Variants in CEP97 observed in about 807,000 individuals in gnomAD.
The protein encoded by CEP97 is centrosomal protein 97.
In CEP97, 43 loss-of-function variants were observed where a neutral mutation model predicts 73.1. The observed-to-expected ratio is 0.59, with a 90% CI of 0.46 to 0.76. The LOEUF (loss-of-function observed/expected upper bound fraction) is 0.76. CEP97 is among the 30% of genes least tolerant of loss of function. The pLI, the probability that CEP97 is intolerant of heterozygous loss-of-function variation, is 0.00. For synonymous variants in CEP97, 337 were observed against 370.0 expected (o/e 0.91, Z 1.02); for missense variants, 939 against 1,014.0 (o/e 0.93, Z 1.00).
At chr3:101,730,228 G>C (rs1283835812) in intron 4 of CEP97, among the ~76,000 whole-genome samples, 1 of 115,528 alleles carries the variant, frequency 8.7e-6, no homozygotes, top group Non-Finnish European at 1.9e-5. Context: ...GGCCGAGTCT[G>C]TTTTTTTGTT....
In CEP97 at chr3:101,762,522, T is replaced by A. The variant is rs1560022131; in HGVS notation, c.1855T>A (p.Phe619Ile). 6.2e-7 allele frequency: 1 copy of A among 1,611,516 alleles called. No homozygotes were observed. The highest frequency in any genetic ancestry group is 1.3e-5 in the African/African-American group (1 of 74,930). ...KERDEERIKK[F>I]VQEEAFRFLW... The stretch of plus-strand genomic sequence containing the variant: ...AAGAGATGAAGAACGTATTAAAAAA[T>A]TTGTACAAGAAGAAGCTTTCAGATT... Residue 619 changes from phenylalanine (F) to isoleucine (I), a missense_variant, in exon 10 of 11, where the codon TTT becomes ATT. Transcript: ENST00000341893.
chr3:101,761,865 T>C (rs994917540), intron 9 of CEP97, among the ~76,000 whole-genome samples: 1 of 152,056 alleles, frequency 6.6e-6, no homozygotes, highest in Non-Finnish European at 1.5e-5. Flanking sequence ...AGCCTTAGGT[T>C]TGTGATAGGC....
intron 6 of CEP97, among the ~76,000 whole-genome samples, chr3:101,737,598 T>C (rs1938317980): frequency 6.6e-6 from 1 of 152,158 alleles, no homozygotes; most frequent in Non-Finnish European, 1.5e-5. Flanking sequence ...CTAAGCTTCA[T>C]AAGTGAAGGA....
At position 101,724,634 on chromosome 3, in the gene CEP97, C is replaced by G; in HGVS notation, c.-43C>G. Reference sequence around the variant, plus strand: ...CCTTCAGATTACAAGCTCCACAGAGCCGCGGGAGGACGGTTGCCTGGTATT... The same window carrying G: ...CCTTCAGATTACAAGCTCCACAGAGGCGCGGGAGGACGGTTGCCTGGTATT... On this transcript the variant is annotated 5_prime_UTR_variant, in exon 1 of 11. Coordinates refer to ENST00000341893, the MANE Select transcript of CEP97 (RefSeq NM_024548.4). 1 of 1,612,644 alleles carries G rather than the reference C, an allele frequency of 6.2e-7. No homozygotes were observed. The highest frequency in any genetic ancestry group is 8.5e-7 in the Non-Finnish European group (1 of 1,178,712).
Position 101,765,679 on chromosome 3 carries a change from A to C in CEP97, c.*128A>C. 1.5e-6 allele frequency: 1 copy of C among 685,608 alleles called. No homozygotes were observed. The highest frequency in any genetic ancestry group is 2.1e-5 in the South Asian group (1 of 48,016). 42.5% of individuals were successfully genotyped at this position (685,608 alleles called of 1,614,324 possible). On this transcript the variant is annotated 3_prime_UTR_variant, in exon 11 of 11. Transcript: ENST00000341893. ...TACTACTTATATAGAATTTGTATTC[A>C]TGTCTTATATTTTTCAGATTCTAGA... is the stretch of plus-strand genomic sequence containing the variant.
Position 101,770,150 on chromosome 3 carries a change from G to C in CEP97, c.*4599G>C, listed in dbSNP as rs185164447. ...AGTGATTCTCCTGCCTCATCCTCCC[G>C]AGTAGCTAAGACTACAGGCACACGC... On this transcript the variant is annotated 3_prime_UTR_variant, in exon 11 of 11. Transcript: ENST00000341893. 6.6e-6 allele frequency: 1 copy of C among 151,870 alleles called. No individual in the cohort carries two copies. Among genetic ancestry groups the C allele is most frequent in the African/African-American group, 2.4e-5 (1 of 41,278 alleles). 9.4% of individuals were successfully genotyped at this position (151,870 alleles called of 1,614,324 possible). A position where few individuals can be genotyped will look rare whatever the true frequency, so the allele number is the denominator to read the frequency against.
At position 101,730,231 on chromosome 3, in the gene CEP97, T is replaced by TGTTG. The variant is rs1553787368; in HGVS notation, c.447+1294_447+1295insGTTG. Among the ~76,000 whole-genome samples, 6 of 145,010 alleles carry TGTTG rather than the reference T, an allele frequency of 4.1e-5. 2 individuals are homozygous for TGTTG. Among genetic ancestry groups the TGTTG allele is most frequent in the Non-Finnish European group, 1.5e-5 (1 of 65,786 alleles). Reference sequence around the variant, plus strand: ...AGCCACCGAACTGGCCGAGTCTGTTTTTTTGTTTTGTTTTGTTTTGTTTTG... The same window carrying TGTTG: ...AGCCACCGAACTGGCCGAGTCTGTTTGTTGTTTTGTTTTGTTTTGTTTTGTTTTG... On this transcript the variant is annotated intron_variant, in intron 4 of 10. Transcript: ENST00000341893.
chr3:101,754,001 A>G (rs1303368763), intron 6 of CEP97, among the ~76,000 whole-genome samples: 2 of 147,186 alleles, frequency 1.4e-5, no homozygotes, highest in East Asian at 2.0e-4. Flanking sequence ...TGCATCGCTC[A>G]TGCTGGGAGC....
intron 6 of CEP97, among the ~76,000 whole-genome samples, chr3:101,733,226 T>A (rs1032886247): frequency 6.6e-6 from 1 of 152,184 alleles, no homozygotes; most frequent in East Asian, 1.9e-4. Flanking sequence ...TAATCAGTTG[T>A]TTGGAGCTTG....
At chr3:101,744,607 A>G (rs900768469) in intron 6 of CEP97, among the ~76,000 whole-genome samples, 1 of 150,694 alleles carries the variant, frequency 6.6e-6, no homozygotes, top group Admixed American at 6.6e-5. Context: ...AAAAGGATAG[A>G]GTTACTCTCA....
At chr3:101,730,553 T>G (rs890930168) in intron 4 of CEP97, among the ~76,000 whole-genome samples, 2 of 150,470 alleles carry the variant, frequency 1.3e-5, no homozygotes, top group Non-Finnish European at 3.0e-5. Flanking sequence ...CATGAGCCAC[T>G]GCGCTGGGTC....
rs1217332448 is a variant in CEP97 at position 101,764,923 on chromosome 3, C to T, written c.1970C>T (p.Ser657Leu). The change falls in exon 11 of 11, where the codon TCA (serine) becomes TTA (leucine). Residue 657 changes from serine (S) to leucine (L), a missense_variant. Transcript: ENST00000341893. ...TGGCATACTGATGTTCCTCCTATATCAAGTACTCTTGTGCCATCGAAACAT... is the reference window on the plus strand; with the variant it reads ...TGGCATACTGATGTTCCTCCTATATTAAGTACTCTTGTGCCATCGAAACAT... ...SSWHTDVPPISSTLVPSKHPL... is the reference protein window; with the variant it reads ...SSWHTDVPPILSTLVPSKHPL... The T allele has an allele frequency of 1.9e-6, 3 of 1,614,150 alleles. No individual in the cohort carries two copies. The highest frequency in any genetic ancestry group is 2.5e-6 in the Non-Finnish European group (3 of 1,180,028).
chr3:101,728,734 A>G lies in CEP97; in HGVS notation c.346-102A>G, dbSNP rs1308268024. 1.6e-5 allele frequency: 12 copies of G among 737,998 alleles called. No homozygotes were observed. The Admixed American group carries it at 2.0e-4, about 12-fold the overall frequency. The allele number at this position is 737,998 out of a possible 1,614,324, so 45.7% of individuals were successfully genotyped here. ...AAGTTCTTCTACTCTGCTTCTAATA[A>G]TAAGAGGAGGGAAGACACTCTTTCA... On this transcript the variant is annotated intron_variant, in intron 3 of 10. Transcript: ENST00000341893.
chr3:101,760,795 C>T (rs920580620), intron 9 of CEP97, among the ~76,000 whole-genome samples: 8 of 152,132 alleles, frequency 5.3e-5, no homozygotes, highest in African/African-American at 1.4e-4. Flanking sequence ...CTGCCTCAGC[C>T]TCCTAAAGTT....
At chr3:101,753,891 G>A (rs539317582) in intron 6 of CEP97, among the ~76,000 whole-genome samples, 5 of 152,204 alleles carry the variant, frequency 3.3e-5, no homozygotes, top group South Asian at 2.1e-4. Context: ...TTCGGCTTGC[G>A]CACGGTGCGC....
chr3:101,763,134 G>T (rs997431671), intron 10 of CEP97: 1 of 1,217,010 alleles, frequency 8.2e-7, no homozygotes, highest in East Asian at 5.8e-5. Flanking sequence ...ATATTGCCCA[G>T]GCCGGTCTCA....
chr3:101,763,423 G>A (rs552444419), intron 10 of CEP97, among the ~76,000 whole-genome samples: 43 of 151,398 alleles, frequency 2.8e-4, no homozygotes, highest in South Asian at 6.2e-4. Context: ...CAGCACTAGC[G>A]CATTACAGCC....
Position 101,755,325 on chromosome 3 carries a change from C to G in CEP97, c.729-105C>G, listed in dbSNP as rs1428086170. 3 of 931,278 alleles carry G rather than the reference C, an allele frequency of 3.2e-6. No homozygotes were observed. The East Asian group carries it at 7.3e-5, about 23-fold the overall frequency. 57.7% of individuals were successfully genotyped at this position (931,278 alleles called of 1,614,324 possible). A position where few individuals can be genotyped will look rare whatever the true frequency, so the allele number is the denominator to read the frequency against. Reference sequence around the variant, plus strand: ...GTGAATTTTATTTATGAAAAACATACAATGGTGCTATAAAGGTAAGTTAAC... The same window carrying G: ...GTGAATTTTATTTATGAAAAACATAGAATGGTGCTATAAAGGTAAGTTAAC... On this transcript the variant is annotated intron_variant, in intron 6 of 10. Transcript: ENST00000341893.
At position 101,762,569 on chromosome 3, in the gene CEP97, C is replaced by G; in HGVS notation, c.1893+9C>G. On this transcript the variant is annotated intron_variant, in intron 10 of 10. Coordinates refer to ENST00000341893, the MANE Select transcript of CEP97 (RefSeq NM_024548.4). ...GATTCCTTTGGAACCAGGTAAACTC[C>G]CTCCTGCTGATTTACCTCATATATG... 1 of 1,595,336 alleles carries G rather than the reference C, an allele frequency of 6.3e-7. No individual in the cohort carries two copies. Among genetic ancestry groups the G allele is most frequent in the South Asian group, 1.1e-5 (1 of 89,560 alleles).
Sources: gnomAD v4.1 joint callset for allele counts (sites outside exome capture counted in the v4.1 genomes callset) on GRCh38, gnomAD v4.1.1 for gene constraint, MANE v1.5 for transcripts, NCBI Gene and HGNC (gene_info 2026-07-23, HGNC 2026-07-21) for gene names.